The following COL9A1 variants were observed in gnomAD, a reference collection of about 807,000 sequenced individuals.
The protein encoded by COL9A1 is collagen alpha-1(IX) chain.
A neutral mutation model predicts 142.6 loss-of-function variants in COL9A1; 104 were observed. The observed-to-expected ratio is 0.73, with a 90% CI of 0.62 to 0.86. The LOEUF (loss-of-function observed/expected upper bound fraction) is 0.86. Among genes scored for constraint, COL9A1 ranks in the 40% least tolerant of loss-of-function variants. COL9A1 has a pLI of 0.00. For synonymous variants in COL9A1, 466 were observed against 396.0 expected (o/e 1.18, Z -2.10); for missense variants, 1,210 against 1,176.6 (o/e 1.03, Z -0.42).
At chr6:70,242,571 A>T in intron 29 of COL9A1, 91 bp downstream of exon 29, 1 of 1,076,088 alleles carries the variant, frequency 9.3e-7, no homozygotes, top group Non-Finnish European at 1.4e-6. Flanking sequence ...AAGTACAGGT[A>T]ATTCAATTGT....
Position 70,225,501 on chromosome 6 carries a change from G to A in COL9A1, c.2581+431C>T, listed in dbSNP as rs115265394. ...TTTGGAGGGTCTGGGTGTTTGAAAG[G>A]GGAGCTTTAAAAATAAAATTTCAGT... On this transcript the variant is annotated intron_variant, in intron 37 of 37. Transcript: ENST00000357250. Among the ~76,000 whole-genome samples, 477 of 151,910 alleles carry A rather than the reference G, an allele frequency of 3.1e-3. 3 individuals are homozygous for A. The highest frequency in any genetic ancestry group is 0.011 in the African/African-American group (443 of 41,430).
At chr6:70,226,797 A>T (rs539691201) in intron 36 of COL9A1, among the ~76,000 whole-genome samples, 244 of 152,282 alleles carry the variant, frequency 1.6e-3, no homozygotes, top group African/African-American at 5.6e-3. Flanking sequence ...AATTTTCATC[A>T]TGATCTTAAT....
intron 1 of COL9A1, 76 bp downstream of exon 1, chr6:70,302,835 G>A (rs376881795): frequency 6.6e-7 from 1 of 1,518,058 alleles, no homozygotes. Flanking sequence ...TACCACTGCT[G>A]CAAAAATACA....
chr6:70,299,068 T>C (rs1773955981), intron 4 of COL9A1, among the ~76,000 whole-genome samples: 1 of 152,150 alleles, frequency 6.6e-6, no homozygotes, highest in Admixed American at 6.5e-5. Context: ...GAGAATGAAA[T>C]TAATGTTAAT....
At chr6:70,222,351 A>G (rs1283159689) in intron 37 of COL9A1, among the ~76,000 whole-genome samples, 2 of 152,224 alleles carry the variant, frequency 1.3e-5, no homozygotes, top group Admixed American at 6.5e-5. Context: ...AAGCACTTCA[A>G]GGTAAAAGAA....
At chr6:70,234,685 G>C (rs922678505) in intron 34 of COL9A1, 92 bp from the exon 35 acceptor site, 7 of 1,603,108 alleles carry the variant, frequency 4.4e-6, no homozygotes, top group Admixed American at 3.3e-5. Context: ...CAAGGAGCCA[G>C]GTGGCTGGAT....
intron 4 of COL9A1, among the ~76,000 whole-genome samples, chr6:70,295,903 C>T (rs1425603808): frequency 6.6e-6 from 1 of 152,158 alleles, no homozygotes; most frequent in Non-Finnish European, 1.5e-5. Context: ...AAACTAAATG[C>T]TAATGAATTT....
At chr6:70,260,801 T>C in intron 19 of COL9A1, 91 bp from the exon 20 acceptor site, 3 of 1,185,034 alleles carry the variant, frequency 2.5e-6, no homozygotes, top group Non-Finnish European at 3.7e-6. Context: ...ACAATGGATA[T>C]TATCATAACC....
At chr6:70,235,457 A>T (rs1211236689) in intron 33 of COL9A1, among the ~76,000 whole-genome samples, 1 of 151,820 alleles carries the variant, frequency 6.6e-6, no homozygotes, top group Non-Finnish European at 1.5e-5. Flanking sequence ...CGTCTCAAAA[A>T]TTATAATAAT....
intron 37 of COL9A1, among the ~76,000 whole-genome samples, chr6:70,218,333 T>C (rs898659249): frequency 3.9e-5 from 6 of 152,234 alleles, no homozygotes; most frequent in African/African-American, 1.4e-4. Flanking sequence ...CTGGGGGACA[T>C]TTCTTGCTTG....
intron 37 of COL9A1, among the ~76,000 whole-genome samples, chr6:70,223,199 T>C (rs1201382191): frequency 6.6e-6 from 1 of 152,140 alleles, no homozygotes; most frequent in Non-Finnish European, 1.5e-5. Context: ...GGGGCCCAAC[T>C]TTGCCCTCAG....
intron 5 of COL9A1, among the ~76,000 whole-genome samples, chr6:70,291,344 C>T (rs778439150): frequency 6.6e-6 from 1 of 152,124 alleles, no homozygotes. Context: ...ATGATGTTTT[C>T]ATCCCCAGGA....
At chr6:70,224,261 T>A (rs1769084265) in intron 37 of COL9A1, among the ~76,000 whole-genome samples, 1 of 152,164 alleles carries the variant, frequency 6.6e-6, no homozygotes, top group Admixed American at 6.6e-5. Flanking sequence ...GGGAAGCCCC[T>A]CTGACTGACT....
chr6:70,243,958 A>G (rs1202162322), intron 28 of COL9A1, among the ~76,000 whole-genome samples: 2 of 152,232 alleles, frequency 1.3e-5, no homozygotes, highest in African/African-American at 4.8e-5. Context: ...GTAAAATGAC[A>G]TGACAGCTCC....
intron 33 of COL9A1, among the ~76,000 whole-genome samples, chr6:70,238,869 T>G (rs574552406): frequency 1.3e-5 from 2 of 152,250 alleles, no homozygotes; most frequent in Non-Finnish European, 2.9e-5. Flanking sequence ...CCGGGTGTGG[T>G]GGCTCACACC....
At chr6:70,238,969 T>C (rs1378964757) in intron 33 of COL9A1, among the ~76,000 whole-genome samples, 1 of 152,076 alleles carries the variant, frequency 6.6e-6, no homozygotes, top group East Asian at 1.9e-4. Context: ...TGAAACCCCA[T>C]CTCTACTAAA....
intron 33 of COL9A1, among the ~76,000 whole-genome samples, chr6:70,235,907 G>T (rs1016914076): frequency 6.6e-6 from 1 of 152,002 alleles, no homozygotes; most frequent in Non-Finnish European, 1.5e-5. Context: ...GAGGTCAGGA[G>T]ATCGAGACCA....
intron 32 of COL9A1, among the ~76,000 whole-genome samples, chr6:70,239,787 A>C (rs1162216036): frequency 6.6e-6 from 1 of 152,210 alleles, no homozygotes; most frequent in Non-Finnish European, 1.5e-5. Flanking sequence ...TTATAAACTC[A>C]GCTCATGTTG....
intron 5 of COL9A1, among the ~76,000 whole-genome samples, chr6:70,284,685 C>T (rs1249769941): frequency 6.6e-6 from 1 of 152,164 alleles, no homozygotes; most frequent in African/African-American, 2.4e-5. Context: ...CCATAGGAAG[C>T]CTATAGCCAC....
Sources: gnomAD v4.1 joint callset for allele counts (sites outside exome capture counted in the v4.1 genomes callset) on GRCh38, gnomAD v4.1.1 for gene constraint, MANE v1.5 for transcripts, NCBI Gene and HGNC (gene_info 2026-07-23, HGNC 2026-07-21) for gene names.